Variants in PPP1R12C observed in about 807,000 individuals in gnomAD.
PPP1R12C encodes protein phosphatase 1 regulatory subunit 12C.
Under a neutral mutation model 95.6 loss-of-function variants are expected in PPP1R12C, and 48 were observed. The ratio of observed to expected loss-of-function variants is 0.50; its 90% CI spans 0.40 to 0.64. The LOEUF is 0.64. Ranked by LOEUF, PPP1R12C falls within the 30% of genes least tolerant of loss-of-function variation. PPP1R12C has a pLI of 0.00. For synonymous variants in PPP1R12C, 480 were observed against 460.8 expected, an observed-to-expected ratio of 1.04 and a Z score of -0.53; for missense variants, 1,057 against 1,083.3, an observed-to-expected ratio of 0.98 and a Z score of 0.34.
chr19:55,116,273 C>T (rs1322015262), intron 1 of PPP1R12C, among the ~76,000 whole-genome samples: 1 of 151,972 alleles, frequency 6.6e-6, no homozygotes, highest in Non-Finnish European at 1.5e-5. Flanking sequence ...GGGAACCCAG[C>T]GAGTGAAGAC....
At position 55,092,201 on chromosome 19, in the gene PPP1R12C, C is replaced by T. The variant is rs115703186; in HGVS notation, c.2160+21G>A. The T allele has an allele frequency of 5.3e-3, 8,158 of 1,542,392 alleles. 413 individuals carry two copies. The African/African-American group carries it at 0.099, about 19-fold the overall frequency. On this transcript the variant is annotated intron_variant, in intron 19 of 21. Transcript: ENST00000263433. ...CAGGCGGCCCTGCCAGTTCCCGTGA[C>T]CCTGGCCTCGGCGCCCTTACCTGCG...
intron 1 of PPP1R12C, 110 bp from the exon 2 acceptor site, chr19:55,112,905 C>T: frequency 6.9e-7 from 1 of 1,457,364 alleles, no homozygotes; most frequent in Admixed American, 2.0e-5. Context: ...GGTGCTAGGA[C>T]AGTGGGGAAA....
chr19:55,103,283 T>C (rs1216073355), intron 4 of PPP1R12C, 126 bp downstream of exon 4: 1 of 941,210 alleles, frequency 1.1e-6, no homozygotes, highest in Non-Finnish European at 1.4e-6. Context: ...AACTTGTGGG[T>C]ACAGCTAAGG....
At chr19:55,101,536 C>A (rs2084979183) in intron 4 of PPP1R12C, among the ~76,000 whole-genome samples, 1 of 152,166 alleles carries the variant, frequency 6.6e-6, no homozygotes, top group Non-Finnish European at 1.5e-5. Context: ...GTGCCGCTTG[C>A]GGACTGCTCT....
intron 19 of PPP1R12C, 67 bp downstream of exon 19, chr19:55,092,155 C>G: frequency 7.1e-7 from 1 of 1,407,818 alleles, no homozygotes; most frequent in East Asian, 2.5e-5. Flanking sequence ...GGCTCTACCT[C>G]CCAGCAGTCT....
chr19:55,106,156 C>T (rs1210352565), intron 3 of PPP1R12C, among the ~76,000 whole-genome samples: 1 of 152,152 alleles, frequency 6.6e-6, no homozygotes, highest in Admixed American at 6.5e-5. Context: ...TGGTGTGTCC[C>T]GCAACACCTG....
At chr19:55,116,284 G>T (rs1320580112) in intron 1 of PPP1R12C, among the ~76,000 whole-genome samples, 2 of 151,922 alleles carry the variant, frequency 1.3e-5, no homozygotes, top group Non-Finnish European at 1.5e-5. Flanking sequence ...GAGTGAAGAC[G>T]GCATGGGGTT....
At chr19:55,098,619 G>T (rs988990880) in intron 6 of PPP1R12C, among the ~76,000 whole-genome samples, 165 bp downstream of exon 6, 1 of 152,236 alleles carries the variant, frequency 6.6e-6, no homozygotes, top group Non-Finnish European at 1.5e-5. Context: ...CCCGGCTGGG[G>T]GTCTCTCCTG....
At chr19:55,096,734 C>T (rs1364137221) in intron 6 of PPP1R12C, 3 of 362,318 alleles carry the variant, frequency 8.3e-6, no homozygotes, top group African/African-American at 6.4e-5. Flanking sequence ...GCGCAGTTCA[C>T]CACCGTCTTC....
chr19:55,113,014 G>C, intron 1 of PPP1R12C: 1 of 615,888 alleles, frequency 1.6e-6, no homozygotes, highest in South Asian at 2.1e-5. Context: ...AACCACGAAA[G>C]GACTCCTGGC....
chr19:55,098,874 A>T lies in PPP1R12C; in HGVS notation c.877-16T>A. The T allele has an allele frequency of 6.2e-7, 1 of 1,612,756 alleles. No individual in the cohort carries two copies. The highest frequency in any genetic ancestry group is 1.1e-5 in the South Asian group (1 of 91,042). ...GACGCTGCCCCTGGGTCAGGGGAGG[A>T]GCAGGATCAGACAATGAAGGAGGTG... On this transcript the variant is annotated splice_polypyrimidine_tract_variant and intron_variant, in intron 5 of 21. Coordinates refer to ENST00000263433, the MANE Select transcript of PPP1R12C (RefSeq NM_017607.4).
In PPP1R12C at chr19:55,109,070, C is replaced by A. The variant is rs1467905292; in HGVS notation, c.571+3397G>T. 6.6e-6 allele frequency among the ~76,000 whole-genome samples: 1 copy of A among 152,154 alleles called. No homozygotes were observed. Among genetic ancestry groups the A allele is most frequent in the Non-Finnish European group, 1.5e-5 (1 of 68,034 alleles). Reference sequence around the variant, plus strand: ...GCACTAGGTTGCTCCTACCTCTGGGCTATTGTGAACGATGCTATGAACACG... The same window carrying A: ...GCACTAGGTTGCTCCTACCTCTGGGATATTGTGAACGATGCTATGAACACG... On this transcript the variant is annotated intron_variant, in intron 3 of 21. Coordinates refer to ENST00000263433, the MANE Select transcript of PPP1R12C (RefSeq NM_017607.4). The surrounding 1 kb of genome is among the most constrained non-coding windows in gnomAD (Gnocchi z 4.4).
intron 4 of PPP1R12C, among the ~76,000 whole-genome samples, chr19:55,102,876 T>C (rs138736403): frequency 5.3e-5 from 8 of 152,116 alleles, no homozygotes; most frequent in African/African-American, 1.9e-4. Flanking sequence ...GCCAGGAAAA[T>C]AGTAACAAAA....
At chr19:55,115,539 C>G (rs958818869) in intron 1 of PPP1R12C, 1 of 151,810 alleles carries the variant, frequency 6.6e-6, no homozygotes, top group Non-Finnish European at 1.5e-5. Flanking sequence ...GCATCCCCCC[C>G]TTCCCTCCCA....
At chr19:55,095,815 C>A in intron 9 of PPP1R12C, 52 bp downstream of exon 9, 15 of 1,588,268 alleles carry the variant, frequency 9.4e-6, no homozygotes, top group Non-Finnish European at 1.2e-5. Flanking sequence ...TGTATGGAAT[C>A]CCACCTCCGG....
At chr19:55,114,074 G>GC (rs1447240230) in intron 1 of PPP1R12C, 1 of 157,274 alleles carries the variant, frequency 6.4e-6, no homozygotes, top group Admixed American at 6.6e-5. Context: ...AGAAGTCCAG[G>GC]CCCCCAGCCC....
rs1317558112 is a variant in PPP1R12C, at chr19:55,095,323, G to C, written c.1422C>G (p.Thr474=). The C allele has an allele frequency of 1.3e-5, 21 of 1,589,626 alleles. No homozygotes were observed. The Admixed American group carries it at 3.7e-4, about 28-fold the overall frequency. The change falls in exon 11 of 22, where the codon ACC becomes ACG. Residue 474 remains threonine, a synonymous_variant. Coordinates refer to ENST00000263433, the MANE Select transcript of PPP1R12C (RefSeq NM_017607.4). The part of the protein sequence containing the change: ...KELRLARITP[T]PSPKLPEPSV... ...AGGGCTCCGGCAGCTTCGGGGAGGG[G>C]GTCGGGGTAATTCTGGCAAGACGGA...
chr19:55,096,365 G>A, intron 6 of PPP1R12C, 30 bp from the exon 7 acceptor site: 2 of 1,607,816 alleles, frequency 1.2e-6, no homozygotes, highest in Non-Finnish European at 8.5e-7. Flanking sequence ...CTGCAGGGGA[G>A]GGGTGGAGCA....
intron 3 of PPP1R12C, among the ~76,000 whole-genome samples, chr19:55,107,967 G>T (rs1195277509): frequency 3.5e-4 from 45 of 127,716 alleles, no homozygotes; most frequent in African/African-American, 1.2e-3. Context: ...GCTGAGTCTT[G>T]CTCTGTTGCC....
Sources: gnomAD v4.1 joint callset for allele counts (sites outside exome capture counted in the v4.1 genomes callset) on GRCh38, gnomAD v4.1.1 for gene constraint, Gnocchi (gnomAD v3.1) non-coding constraint, MANE v1.5 for transcripts, NCBI Gene and HGNC (gene_info 2026-07-23, HGNC 2026-07-21) for gene names.